VWA8: variants seen among roughly 807,000 people sequenced by gnomAD.
VWA8 encodes von Willebrand factor A domain-containing protein 8.
VWA8 carries 221 observed loss-of-function variants against 241.5 expected under a neutral mutation model. The observed-to-expected ratio is 0.91, with a 90% confidence interval of 0.82 to 1.02. VWA8 has a LOEUF of 1.02. Ranked by LOEUF, VWA8 falls within the 50% of genes least tolerant of loss-of-function variation. The pLI is 0.00. For missense variants in VWA8, 2,322 were observed against 2,328.7 expected, an observed-to-expected ratio of 1.00 and a Z score of 0.06; for synonymous variants, 852 against 827.1, an observed-to-expected ratio of 1.03 and a Z score of -0.52.
intron 2 of VWA8, among the ~76,000 whole-genome samples, chr13:41,921,417 A>T (rs1876528534): frequency 6.6e-6 from 1 of 152,190 alleles, no homozygotes; most frequent in South Asian, 2.1e-4. Context: ...TATTCAACAC[A>T]GTGTTGGAAG....
chr13:41,723,436 A>G (rs2045408342), intron 24 of VWA8, among the ~76,000 whole-genome samples: 1 of 152,198 alleles, frequency 6.6e-6, no homozygotes, highest in South Asian at 2.1e-4. Context: ...TTAAAAGTAG[A>G]GTAAACTCTT....
At chr13:41,884,890 T>TATACATAC (rs10544998) in intron 8 of VWA8, among the ~76,000 whole-genome samples, 44 of 150,058 alleles carry the variant, frequency 2.9e-4, no homozygotes, top group African/African-American at 5.4e-4. Flanking sequence ...AACATACATA[T>TATACATAC]ATACATACAT....
At chr13:41,686,420 G>A (rs111940023) in intron 34 of VWA8, among the ~76,000 whole-genome samples, 2,237 of 152,034 alleles carry the variant, frequency 0.015, 20 homozygotes, top group Middle Eastern at 0.058. Flanking sequence ...TTTCTCTAAT[G>A]ACTAATGATG....
chr13:41,889,302 T>G (rs931618297), intron 5 of VWA8, among the ~76,000 whole-genome samples: 7 of 152,188 alleles, frequency 4.6e-5, no homozygotes, highest in African/African-American at 1.2e-4. Context: ...ACTTATGTGT[T>G]TATACTGATA....
intron 4 of VWA8, among the ~76,000 whole-genome samples, chr13:41,906,101 T>C (rs780510073): frequency 6.6e-6 from 1 of 152,126 alleles, no homozygotes; most frequent in Non-Finnish European, 1.5e-5. Flanking sequence ...AGCCATCATT[T>C]AAGGTAGTGT....
Position 41,568,303 on chromosome 13 carries a change from A to C in VWA8, c.5612T>G (p.Leu1871Arg), listed in dbSNP as rs201699330. The change falls in exon 45 of 45, where the codon CTT becomes CGT. Residue 1871 changes from leucine to arginine, a missense_variant and splice_region_variant. Physicochemically the swap from Leu to Arg is moderately radical, Grantham distance 102. Coordinates refer to ENST00000379310, the MANE Select transcript of VWA8 (RefSeq NM_015058.2). ...IGSLGDQATR[L>R]QRTLPAGRSF... Reference sequence around the variant, plus strand: ...CCGACCAGCTGGTAAAGTTCTCTGAAGCCTGCCAGGATGGAAAGGGAAAGG... The same window carrying C: ...CCGACCAGCTGGTAAAGTTCTCTGACGCCTGCCAGGATGGAAAGGGAAAGG... The C allele has an allele frequency of 6.8e-5, 110 of 1,613,972 alleles. 1 individual carries two copies. The highest frequency in any genetic ancestry group is 6.5e-5 in the Non-Finnish European group (77 of 1,179,832).
chr13:41,741,213 T>C (rs528247154), intron 21 of VWA8, among the ~76,000 whole-genome samples: 5 of 152,316 alleles, frequency 3.3e-5, no homozygotes, highest in Admixed American at 3.3e-4. Context: ...CACTCACACT[T>C]AGAAAAGTAA....
At chr13:41,927,046 T>A (rs1876879790) in intron 2 of VWA8, 1 of 384,920 alleles carries the variant, frequency 2.6e-6, no homozygotes, top group Non-Finnish European at 5.1e-6. Flanking sequence ...TTGAGCTGCT[T>A]GTCATGAAGA....
chr13:41,692,659 C>A (rs1400239850), intron 30 of VWA8, among the ~76,000 whole-genome samples: 1 of 151,976 alleles, frequency 6.6e-6, no homozygotes, highest in East Asian at 1.9e-4. Flanking sequence ...AGTATAATGT[C>A]ATAAAAAGAA....
Position 41,675,229 on chromosome 13 carries a change from A to T in VWA8, c.4395T>A (p.Tyr1465Ter), listed in dbSNP as rs370941665. The change falls in exon 36 of 45, where the codon TAT becomes TAA. Residue 1465 changes from tyrosine to a stop codon, truncating the protein, a stop_gained. Coordinates refer to ENST00000379310, the MANE Select transcript of VWA8 (RefSeq NM_015058.2). LOFTEE classifies it high-confidence loss of function. ...AAATGGATTACCTGGGAATAGGGAT[A>T]TATCGGAGTTTCTTTGATTGAAGAT... The part of the protein sequence containing the change: ...VTDLQSKKLR[Y>*]IPIPRSESLS... 9.7e-5 allele frequency: 157 copies of T among 1,611,596 alleles called. No individual in the cohort carries two copies. Among genetic ancestry groups the T allele is most frequent in the Non-Finnish European group, 1.3e-4 (152 of 1,178,196 alleles).
chr13:41,687,612 G>A (rs9566822), intron 34 of VWA8, among the ~76,000 whole-genome samples: 8,445 of 152,152 alleles, frequency 0.056, 275 homozygotes, highest in East Asian at 0.12. Context: ...GGGGATATAA[G>A]CTCTGTCTGT....
intron 12 of VWA8, among the ~76,000 whole-genome samples, chr13:41,837,669 T>C (rs1434972727): frequency 6.6e-6 from 1 of 152,204 alleles, no homozygotes; most frequent in Non-Finnish European, 1.5e-5. Flanking sequence ...ATATATATCA[T>C]TTCCTCATTC....
intron 26 of VWA8, among the ~76,000 whole-genome samples, chr13:41,708,918 G>A (rs1402604303): frequency 6.6e-6 from 1 of 151,996 alleles, no homozygotes; most frequent in Non-Finnish European, 1.5e-5. Flanking sequence ...CTGGGGCCAG[G>A]GTTTCCTTTC....
rs560450068 is a variant in VWA8, at chr13:41,578,591, C to G, written c.5272-2753G>C. The stretch of plus-strand genomic sequence containing the variant: ...CATTTCCATTTGCTAACTCCTAAAT[C>G]TGCCATTCACCTGATCTGGTTTCTA... On this transcript the variant is annotated intron_variant, in intron 42 of 44. Transcript: ENST00000379310. 1.8e-4 allele frequency among the ~76,000 whole-genome samples: 27 copies of G among 152,318 alleles called. No individual in the cohort carries two copies. In the South Asian group the frequency reaches 4.4e-3, roughly 25 times the overall value.
At chr13:41,638,389 AC>A (rs1333578749) in intron 37 of VWA8, among the ~76,000 whole-genome samples, 2 of 152,206 alleles carry the variant, frequency 1.3e-5, no homozygotes, top group Non-Finnish European at 2.9e-5. Flanking sequence ...ACCACCTGAA[AC>A]CACGGAAGTG....
intron 10 of VWA8, 43 bp downstream of exon 10, chr13:41,868,303 G>A: frequency 7.5e-6 from 12 of 1,609,518 alleles, no homozygotes; most frequent in Non-Finnish European, 8.5e-6. Flanking sequence ...AAAACAGGCA[G>A]AATAAGGTAT....
At position 41,570,652 on chromosome 13, in the gene VWA8, T is replaced by C. The variant is rs202013257; in HGVS notation, c.5425A>G (p.Thr1809Ala). The change falls in exon 44 of 45, where the codon ACA becomes GCA. Residue 1809 changes from threonine to alanine, a missense_variant. Thr to Ala is a moderately conservative substitution (Grantham distance 58). Transcript: ENST00000379310. The part of the protein sequence containing the change: ...CMSGDHTLEG[T>A]EHAIKEIVKE... ...ACAATTTCCTTGATGGCATGTTCTGTCCCTTCTAACGTGTGGTCCCCACTC... is the reference window on the plus strand; with the variant it reads ...ACAATTTCCTTGATGGCATGTTCTGCCCCTTCTAACGTGTGGTCCCCACTC... 1.3e-4 allele frequency: 205 copies of C among 1,614,252 alleles called. No homozygotes were observed. In the African/African-American group the frequency reaches 2.4e-3, roughly 19 times the overall value.
chr13:41,955,871 G>T (rs1483310580), intron 1 of VWA8: 12 of 152,278 alleles, frequency 7.9e-5, no homozygotes, highest in Admixed American at 3.9e-4. Flanking sequence ...TGATGAGACC[G>T]TGTTCAAGTA....
chr13:41,868,872 G>A (rs756940395), intron 9 of VWA8, among the ~76,000 whole-genome samples: 8 of 123,044 alleles, frequency 6.5e-5, no homozygotes, highest in African/African-American at 1.5e-4. Flanking sequence ...TGGGCAAAAC[G>A]GCAAGACTCC....
Sources: allele counts gnomAD v4.1 joint callset (sites outside exome capture counted in the v4.1 genomes callset), GRCh38; gene constraint gnomAD v4.1.1; transcripts MANE v1.5; gene names NCBI Gene and HGNC (gene_info 2026-07-23, HGNC 2026-07-21).